The following ROBO1 variants were observed in gnomAD, a reference collection of about 807,000 sequenced individuals.
ROBO1 encodes roundabout guidance receptor 1.
Under a neutral mutation model 195.9 loss-of-function variants are expected in ROBO1, and 149 were observed. The ratio of observed to expected loss-of-function variants is 0.76; its 90% confidence interval spans 0.67 to 0.87. ROBO1 has a LOEUF of 0.87. ROBO1 is among the 40% of genes least tolerant of loss of function. The pLI is 0.00. For synonymous variants in ROBO1, 816 were observed against 733.2 expected (o/e 1.11, Z -1.82); for missense variants, 1,933 against 2,068.3 (o/e 0.93, Z 1.27).
intron 2 of ROBO1, among the ~76,000 whole-genome samples, chr3:79,277,934 C>T (rs1027673271): frequency 6.6e-6 from 1 of 151,918 alleles, no homozygotes; most frequent in Admixed American, 6.6e-5. Context: ...CCTAAAGACT[C>T]TACCAAAAAT....
intron 3 of ROBO1, among the ~76,000 whole-genome samples, chr3:78,982,133 C>T (rs1332773466): frequency 6.6e-6 from 1 of 152,162 alleles, no homozygotes; most frequent in Non-Finnish European, 1.5e-5. Flanking sequence ...CCCGCAAGAG[C>T]TCTGAGGACA....
chr3:78,745,059 C>T (rs2082623731), intron 5 of ROBO1, among the ~76,000 whole-genome samples: 1 of 152,028 alleles, frequency 6.6e-6, no homozygotes, highest in African/African-American at 2.4e-5. Context: ...CCTGTAATCC[C>T]AGCATTTTGG....
At position 78,864,233 on chromosome 3, in the gene ROBO1, T is replaced by C. The variant is rs146996683; in HGVS notation, c.499+74368A>G. On this transcript the variant is annotated intron_variant, in intron 4 of 30. Transcript: ENST00000464233. ...TGCCATTTACCTTTTCTTGAACTCT[T>C]TCCTTTGCCTTGAATGATGGTAGCT... Among the ~76,000 whole-genome samples the C allele has an allele frequency of 2.8e-3, 432 of 152,322 alleles. 5 individuals carry two copies. The highest frequency in any genetic ancestry group is 9.6e-3 in the African/African-American group (397 of 41,566).
At chr3:79,342,093 A>G (rs1189816045) in intron 2 of ROBO1, among the ~76,000 whole-genome samples, 1 of 152,202 alleles carries the variant, frequency 6.6e-6, no homozygotes, top group Non-Finnish European at 1.5e-5. Context: ...AGTTGGCTGG[A>G]TTTAGCTGGA....
At chr3:79,056,661 T>C (rs2078815023) in intron 3 of ROBO1, among the ~76,000 whole-genome samples, 1 of 152,108 alleles carries the variant, frequency 6.6e-6, no homozygotes. Context: ...TTCCAATCTC[T>C]GCAGTCCCAG....
At chr3:78,812,277 G>A (rs750556752) in intron 4 of ROBO1, among the ~76,000 whole-genome samples, 27 of 152,028 alleles carry the variant, frequency 1.8e-4, no homozygotes, top group South Asian at 4.2e-4. Flanking sequence ...TTCAAGACTC[G>A]GTCTATGTCA....
In ROBO1 at chr3:78,849,189, T is replaced by C. The variant is rs183194110; in HGVS notation, c.499+89412A>G. Among the ~76,000 whole-genome samples the C allele has an allele frequency of 4.6e-5, 7 of 152,268 alleles. 1 individual carries two copies. In the East Asian group the frequency reaches 1.4e-3, roughly 29 times the overall value. ...AGCTTGAGGTGTGTTTTAGATCTTC[T>C]AGTGGGCATGATGGGTGGGCAATTC... is the stretch of plus-strand genomic sequence containing the variant. On this transcript the variant is annotated intron_variant, in intron 4 of 30. Transcript: ENST00000464233.
intron 2 of ROBO1, among the ~76,000 whole-genome samples, chr3:79,572,642 T>G (rs1032815900): frequency 6.6e-6 from 1 of 152,110 alleles, no homozygotes; most frequent in Non-Finnish European, 1.5e-5. Context: ...TTATGACATA[T>G]GTAGATTATA....
chr3:78,835,461 T>G (rs1320372695), intron 4 of ROBO1, among the ~76,000 whole-genome samples: 2 of 152,186 alleles, frequency 1.3e-5, no homozygotes, highest in South Asian at 2.1e-4. Context: ...ACATTATTAA[T>G]GTCTCCAAAT....
At chr3:79,439,168 C>T (rs543442713) in intron 2 of ROBO1, among the ~76,000 whole-genome samples, 12 of 152,014 alleles carry the variant, frequency 7.9e-5, no homozygotes, top group Middle Eastern at 6.8e-3. Flanking sequence ...GAAGATAATA[C>T]CACTAATAAA....
chr3:78,923,553 C>G (rs1276947330), intron 4 of ROBO1, among the ~76,000 whole-genome samples: 1 of 151,986 alleles, frequency 6.6e-6, no homozygotes, highest in Non-Finnish European at 1.5e-5. Context: ...TAGTAGTCTC[C>G]GCTTTTCTAG....
At chr3:78,691,568 C>T (rs556700390) in intron 8 of ROBO1, among the ~76,000 whole-genome samples, 24 of 152,240 alleles carry the variant, frequency 1.6e-4, no homozygotes, top group Middle Eastern at 6.8e-3. Flanking sequence ...GTAATGTCAA[C>T]ATCCTTCTGA....
chr3:78,720,650 T>C (rs888725672), intron 5 of ROBO1, among the ~76,000 whole-genome samples: 7 of 152,172 alleles, frequency 4.6e-5, no homozygotes, highest in Non-Finnish European at 7.3e-5. Context: ...CACACGCATG[T>C]TTATTATGGC....
chr3:78,645,625 C>G (rs1706231453), intron 21 of ROBO1, among the ~76,000 whole-genome samples: 1 of 151,932 alleles, frequency 6.6e-6, no homozygotes, highest in African/African-American at 2.4e-5. Flanking sequence ...AGATTCATTT[C>G]AATTAGAGGA....
At chr3:79,114,804 G>A (rs553414547) in intron 3 of ROBO1, among the ~76,000 whole-genome samples, 2 of 152,240 alleles carry the variant, frequency 1.3e-5, no homozygotes, top group South Asian at 4.2e-4. Context: ...ACATCTGGGT[G>A]AGCCAATCCT....
intron 2 of ROBO1, among the ~76,000 whole-genome samples, chr3:79,520,366 C>G (rs1470043221): frequency 6.6e-6 from 1 of 151,914 alleles, no homozygotes; most frequent in Non-Finnish European, 1.5e-5. Flanking sequence ...CAATGATGTC[C>G]CTCATCTCAG....
intron 2 of ROBO1, among the ~76,000 whole-genome samples, chr3:79,492,744 C>T (rs1939532065): frequency 6.6e-6 from 1 of 152,014 alleles, no homozygotes; most frequent in African/African-American, 2.4e-5. Flanking sequence ...AATGTATTAG[C>T]ATTGCATGAA....
At chr3:78,712,017 C>A (rs1448743751) in intron 8 of ROBO1, among the ~76,000 whole-genome samples, 19 of 76,456 alleles carry the variant, frequency 2.5e-4, no homozygotes, top group African/African-American at 5.9e-4. Flanking sequence ...AAGACCTTGG[C>A]AAAAAAAAAA....
chr3:78,668,123 C>T lies in ROBO1; in HGVS notation c.1799+11G>A, dbSNP rs765903186. The stretch of plus-strand genomic sequence containing the variant: ...AAAAAGAACAACTAGGAAGCATCTC[C>T]TTCACTCTACCTGAAGGCTTCTATA... On this transcript the variant is annotated intron_variant, in intron 13 of 30. Transcript: ENST00000464233. 54 of 1,612,636 alleles carry T rather than the reference C, an allele frequency of 3.3e-5. No individual in the cohort carries two copies. The South Asian group carries it at 5.6e-4, about 17-fold the overall frequency.
Sources: gnomAD v4.1 joint callset for allele counts (sites outside exome capture counted in the v4.1 genomes callset) on GRCh38, gnomAD v4.1.1 for gene constraint, MANE v1.5 for transcripts, NCBI Gene and HGNC (gene_info 2026-07-23, HGNC 2026-07-21) for gene names.